The following GNL3L variants were observed in gnomAD, a reference collection of about 807,000 sequenced individuals.
GNL3L encodes the protein guanine nucleotide-binding protein-like 3-like protein.
Under a neutral mutation model 42.9 loss-of-function variants are expected in GNL3L, and 4 were observed. That is an observed-to-expected ratio of 0.09 (90% CI 0.05 to 0.21). The LOEUF (loss-of-function observed/expected upper bound fraction) is 0.21. GNL3L is among the 10% of genes least tolerant of loss of function. The pLI is 1.00. For missense variants in GNL3L, 412 were observed against 481.7 expected, an observed-to-expected ratio of 0.86 and a Z score of 1.36; for synonymous variants, 159 against 176.3, an observed-to-expected ratio of 0.90 and a Z score of 0.78.
At chrX:54,531,905 C>T (rs1178884053) in intron 1 of GNL3L, among the ~76,000 whole-genome samples, 1 of 110,244 alleles carries the variant, frequency 9.1e-6, no homozygotes. Flanking sequence ...GTATAGACCC[C>T]AGGCATATGC....
At chrX:54,623,411 T>C (rs1191874343), downstream of GNL3L, among the ~76,000 whole-genome samples, 2 of 111,617 alleles carry the variant, frequency 1.8e-5, no homozygotes, top group Admixed American at 1.9e-4. Flanking sequence ...ATTATAGGCA[T>C]GTGCCACTAC....
intron 16 of GNL3L, among the ~76,000 whole-genome samples, chrX:54,615,510 C>T (rs1926210712): frequency 9.0e-6 from 1 of 111,659 alleles, no homozygotes; most frequent in African/African-American, 3.3e-5. Context: ...TTCACAGCAC[C>T]TTATATGTAT....
At chrX:54,539,989 G>C in intron 3 of GNL3L, 146 bp from the exon 4 acceptor site, 3 of 463,454 alleles carry the variant, frequency 6.5e-6, no homozygotes, top group Non-Finnish European at 1.2e-5. Flanking sequence ...CCTTGGGAGT[G>C]AGGGGATGAG....
At chrX:54,582,171 T>G (rs1304714044) in intron 16 of GNL3L, among the ~76,000 whole-genome samples, 1 of 111,349 alleles carries the variant, frequency 9.0e-6, no homozygotes, top group Non-Finnish European at 1.9e-5. Flanking sequence ...GTTCTTATTC[T>G]GTTAGTCCCT....
downstream of GNL3L, among the ~76,000 whole-genome samples, chrX:54,626,106 A>G (rs2147544059): frequency 9.0e-6 from 1 of 111,534 alleles, no homozygotes; most frequent in East Asian, 2.8e-4. Context: ...TTAATTCTAC[A>G]GTGCTGCAGA....
In GNL3L at chrX:54,551,988, TA is replaced by T. The variant is rs761987988; in HGVS notation, c.1181+15del. The T allele has an allele frequency of 1.7e-6, 2 of 1,206,040 alleles. No individual in the cohort carries two copies. The highest frequency in any genetic ancestry group is 4.4e-5 in the Admixed American group (2 of 45,466). Reference sequence around the variant, plus strand: ...TGACTGGGTGAGGTGAGGAGGGGGTTAGGGGTAAGGGTGAGGCCCGCTGGCA... The same window carrying T: ...TGACTGGGTGAGGTGAGGAGGGGGTTGGGGTAAGGGTGAGGCCCGCTGGCA... On this transcript the variant is annotated intron_variant, in intron 12 of 15. Transcript: ENST00000360845.
At chrX:54,625,117 A>G (rs915790253), downstream of GNL3L, among the ~76,000 whole-genome samples, 1 of 110,621 alleles carries the variant, frequency 9.0e-6, no homozygotes, top group African/African-American at 3.3e-5. Context: ...ACACTTTCCA[A>G]TTTGGATGCC....
chrX:54,638,076 G>A, the GNL3L span, among the ~76,000 whole-genome samples: 1 of 111,983 alleles, frequency 8.9e-6, no homozygotes, highest in South Asian at 3.7e-4. Flanking sequence ...TAAAATGATG[G>A]TGATAGAAGG....
chrX:54,569,347 T>A (rs1177288505), downstream of GNL3L, among the ~76,000 whole-genome samples: 1 of 112,032 alleles, frequency 8.9e-6, no homozygotes, highest in Admixed American at 9.5e-5. Flanking sequence ...GGTTTAAGAC[T>A]ACAATTTCAA....
chrX:54,590,691 C>T (rs1925857734), intron 16 of GNL3L, among the ~76,000 whole-genome samples: 1 of 111,683 alleles, frequency 9.0e-6, no homozygotes, highest in African/African-American at 3.3e-5. Context: ...AAATTTTTAC[C>T]AGACCAATGT....
intron 16 of GNL3L, among the ~76,000 whole-genome samples, chrX:54,616,373 A>G (rs1437820718): frequency 8.9e-6 from 1 of 112,704 alleles, no homozygotes; most frequent in Non-Finnish European, 1.9e-5. Flanking sequence ...CAAACTTAGC[A>G]TAATATTTTA....
intron 16 of GNL3L, among the ~76,000 whole-genome samples, chrX:54,579,547 C>CTAATTT (rs894381964): frequency 9.0e-6 from 1 of 110,939 alleles, no homozygotes; most frequent in African/African-American, 3.3e-5. Context: ...CCGTACCTGG[C>CTAATTT]TAATTTTAAT....
chrX:54,537,424 T>C (rs771923305), intron 2 of GNL3L, among the ~76,000 whole-genome samples: 1 of 111,480 alleles, frequency 9.0e-6, no homozygotes, highest in East Asian at 2.8e-4. Flanking sequence ...AATTATTGCT[T>C]CTCCATTTGT....
intron 16 of GNL3L, among the ~76,000 whole-genome samples, chrX:54,576,516 G>T (rs1823336265): frequency 9.0e-6 from 1 of 111,143 alleles, no homozygotes; most frequent in Non-Finnish European, 1.9e-5. Context: ...GTCTTGCTCT[G>T]TTGACCAGGC....
chrX:54,543,794 A>G (rs1232953587), intron 7 of GNL3L, among the ~76,000 whole-genome samples: 1 of 112,262 alleles, frequency 8.9e-6, no homozygotes, highest in African/African-American at 3.2e-5. Flanking sequence ...ATTTGTTGTA[A>G]GAATTAATGA....
At chrX:54,599,471 CT>C (rs1925977694) in intron 16 of GNL3L, among the ~76,000 whole-genome samples, 1 of 111,346 alleles carries the variant, frequency 9.0e-6, no homozygotes, top group African/African-American at 3.3e-5. Context: ...CATTTTTCCC[CT>C]GTAGCTAAGT....
the GNL3L span, among the ~76,000 whole-genome samples, chrX:54,630,693 C>CCTTCCTTCCTTCCTTCCTTCCTTT: frequency 2.4e-4 from 1 of 4,163 alleles, no homozygotes; most frequent in Non-Finnish European, 3.8e-4. Flanking sequence ...TTCCTTCCTT[C>CCTTCCTTCCTTCCTTCCTTCCTTT]CTTCCTTTCT....
intron 16 of GNL3L, among the ~76,000 whole-genome samples, chrX:54,576,135 T>C (rs1303211451): frequency 1.8e-5 from 2 of 112,102 alleles, no homozygotes; most frequent in African/African-American, 6.5e-5. Context: ...GAAGCTTCCA[T>C]ATTATTATTC....
intron 16 of GNL3L, among the ~76,000 whole-genome samples, chrX:54,619,459 C>G (rs1028944002): frequency 9.1e-6 from 1 of 109,987 alleles, no homozygotes; most frequent in African/African-American, 3.3e-5. Flanking sequence ...CAAACATTAA[C>G]TGCGGGAGTA....
Sources: allele counts gnomAD v4.1 joint callset (sites outside exome capture counted in the v4.1 genomes callset), GRCh38; gene constraint gnomAD v4.1.1; transcripts MANE v1.5; gene names NCBI Gene and HGNC (gene_info 2026-07-23, HGNC 2026-07-21).